Variants in TSHZ2 observed in about 807,000 individuals in gnomAD.
The protein encoded by TSHZ2 is teashirt homolog 2.
TSHZ2 carries 21 observed loss-of-function variants against 74.4 expected under a neutral mutation model. The ratio of observed to expected loss-of-function variants is 0.28; its 90% CI spans 0.20 to 0.41. The LOEUF (loss-of-function observed/expected upper bound fraction) is 0.41, where lower values mean the gene tolerates loss of function less well. Among genes scored for constraint, TSHZ2 ranks in the 10% least tolerant of loss-of-function variants. The pLI is 1.00. For missense variants in TSHZ2, 1,244 were observed against 1,293.5 expected (o/e 0.96, Z 0.59); for synonymous variants, 540 against 515.3 (o/e 1.05, Z -0.65).
intron 1 of TSHZ2, among the ~76,000 whole-genome samples, chr20:53,004,712 G>A (rs1002265113): frequency 1.3e-5 from 2 of 152,156 alleles, no homozygotes; most frequent in African/African-American, 4.8e-5. Context: ...GACATCACAT[G>A]CCATAAAAGA....
At chr20:53,178,268 A>G (rs888452765) in intron 1 of TSHZ2, 1 of 152,236 alleles carries the variant, frequency 6.6e-6, no homozygotes, top group Non-Finnish European at 1.5e-5. Context: ...TCAGACACTC[A>G]TCTGCAGCTT....
intron 1 of TSHZ2, among the ~76,000 whole-genome samples, chr20:53,171,005 G>C (rs1988187958): frequency 6.6e-6 from 1 of 151,342 alleles, no homozygotes; most frequent in South Asian, 2.1e-4. Context: ...TGTCCTTACA[G>C]TCTGTCCAGC....
chr20:53,122,465 AATTTCT>A (rs1986837775), intron 1 of TSHZ2, among the ~76,000 whole-genome samples: 1 of 152,122 alleles, frequency 6.6e-6, no homozygotes. Flanking sequence ...ACTTCAAGTT[AATTTCT>A]ATTTCTATCA....
At chr20:53,177,307 G>A (rs758529806) in intron 1 of TSHZ2, among the ~76,000 whole-genome samples, 3 of 152,178 alleles carry the variant, frequency 2.0e-5, no homozygotes, top group Admixed American at 6.5e-5. Context: ...TAAAATTGCC[G>A]TGGCTCATGT....
At chr20:53,266,950 G>A (rs1433809901) in intron 2 of TSHZ2, among the ~76,000 whole-genome samples, 2 of 152,046 alleles carry the variant, frequency 1.3e-5, no homozygotes, top group Non-Finnish European at 2.9e-5. Flanking sequence ...CTAATTTTCT[G>A]TGTTTTTAGT....
chr20:53,297,248 CTT>C lies in TSHZ2; in HGVS notation c.*8+40696_*8+40697del, dbSNP rs35627909. Among the ~76,000 whole-genome samples, 249 of 121,096 alleles carry C rather than the reference CTT, an allele frequency of 2.1e-3. 1 individual carries two copies. Among genetic ancestry groups the C allele is most frequent in the African/African-American group, 7.0e-3 (222 of 31,594 alleles). 79.4% of individuals were successfully genotyped at this position (121,096 alleles called of 152,430 possible). A position where few individuals can be genotyped will look rare whatever the true frequency, so the allele number is the denominator to read the frequency against. On this transcript the variant is annotated intron_variant, in intron 2 of 2. Coordinates refer to ENST00000371497, the MANE Select transcript of TSHZ2 (RefSeq NM_173485.6). ...GATCCAATGAGAGAAATCTCAGAAT[CTT>C]TTTTTTTTTTTTTTTTTTGAGACCA... is the stretch of plus-strand genomic sequence containing the variant.
At chr20:53,115,932 G>C (rs2123336523) in intron 1 of TSHZ2, among the ~76,000 whole-genome samples, 1 of 152,316 alleles carries the variant, frequency 6.6e-6, no homozygotes, top group South Asian at 2.1e-4. Context: ...TGATGGATGT[G>C]GGTGTGGATA....
chr20:53,114,460 GA>G (rs1324728307), intron 1 of TSHZ2, among the ~76,000 whole-genome samples: 3 of 151,856 alleles, frequency 2.0e-5, no homozygotes, highest in Non-Finnish European at 4.4e-5. Context: ...AAGAAGAAAC[GA>G]GATGATCAAT....
chr20:53,137,296 CTT>C (rs759993398), intron 1 of TSHZ2, among the ~76,000 whole-genome samples: 4 of 135,226 alleles, frequency 3.0e-5, no homozygotes, highest in African/African-American at 2.7e-5. Flanking sequence ...ATTCGTGTTT[CTT>C]TTTTTTTTTT....
chr20:53,296,319 T>C (rs1991379542), intron 2 of TSHZ2, among the ~76,000 whole-genome samples: 1 of 152,232 alleles, frequency 6.6e-6, no homozygotes, highest in Non-Finnish European at 1.5e-5. Flanking sequence ...TGTTTATTAG[T>C]GTGATCATGC....
chr20:53,128,105 T>C (rs1240204765), intron 1 of TSHZ2, among the ~76,000 whole-genome samples: 1 of 152,030 alleles, frequency 6.6e-6, no homozygotes, highest in African/African-American at 2.4e-5. Flanking sequence ...GATTCCTAAA[T>C]GATACTAAAG....
chr20:53,243,822 C>CTTTTTTTTTTTTTT (rs5841936), intron 1 of TSHZ2, among the ~76,000 whole-genome samples: 1 of 145,700 alleles, frequency 6.9e-6, no homozygotes. Context: ...TGCTTGCTTG[C>CTTTTTTTTTTTTTT]TTTTTTTTTT....
intron 1 of TSHZ2, among the ~76,000 whole-genome samples, chr20:53,089,509 C>T (rs1223519367): frequency 6.6e-6 from 1 of 152,084 alleles, no homozygotes; most frequent in Admixed American, 6.5e-5. Context: ...GTATCTATTA[C>T]ATGCCAGGCA....
chr20:53,135,515 A>T (rs1244541662), intron 1 of TSHZ2, among the ~76,000 whole-genome samples: 1 of 152,190 alleles, frequency 6.6e-6, no homozygotes, highest in African/African-American at 2.4e-5. Flanking sequence ...TGGTACATGG[A>T]TGCACTGCCG....
chr20:53,140,432 C>T (rs981597033), intron 1 of TSHZ2, among the ~76,000 whole-genome samples: 1 of 147,658 alleles, frequency 6.8e-6, no homozygotes, highest in South Asian at 2.1e-4. Flanking sequence ...CCCAGCTACT[C>T]AGGAGGCTGA....
intron 1 of TSHZ2, among the ~76,000 whole-genome samples, chr20:53,141,171 C>T (rs1318356925): frequency 1.3e-5 from 2 of 152,178 alleles, no homozygotes; most frequent in Non-Finnish European, 2.9e-5. Flanking sequence ...TGCTGTCCCT[C>T]GGTGGATGGA....
intron 1 of TSHZ2, among the ~76,000 whole-genome samples, chr20:53,006,942 TC>T (rs1281049412): frequency 6.6e-6 from 1 of 152,044 alleles, no homozygotes; most frequent in Non-Finnish European, 1.5e-5. Context: ...AAACTGAATA[TC>T]AGTATAAATA....
intron 2 of TSHZ2, among the ~76,000 whole-genome samples, chr20:53,258,600 T>C (rs1865403644): frequency 2.6e-5 from 4 of 152,200 alleles, no homozygotes; most frequent in Admixed American, 1.3e-4. Context: ...TGATCCATCG[T>C]CAGTCAGAAT....
intron 1 of TSHZ2, among the ~76,000 whole-genome samples, chr20:53,175,777 G>A (rs750053332): frequency 2.6e-5 from 4 of 152,114 alleles, no homozygotes; most frequent in African/African-American, 7.2e-5. Flanking sequence ...GTGGTACCCC[G>A]ACCTACAGAC....
Sources: allele counts gnomAD v4.1 joint callset (sites outside exome capture counted in the v4.1 genomes callset), GRCh38; gene constraint gnomAD v4.1.1; transcripts MANE v1.5; gene names NCBI Gene and HGNC (gene_info 2026-07-23, HGNC 2026-07-21).